The following AEBP2 variants were observed in gnomAD, a reference collection of about 807,000 sequenced individuals.
AEBP2 encodes the protein zinc finger protein AEBP2.
In AEBP2, 10 loss-of-function variants were observed where a neutral mutation model predicts 50.8. The observed-to-expected ratio is 0.20, with a 90% CI of 0.12 to 0.33. The LOEUF is 0.33. Ranked by LOEUF, AEBP2 falls within the 10% of genes least tolerant of loss-of-function variation. The pLI, the probability that AEBP2 is intolerant of heterozygous loss-of-function variation, is 1.00. For missense variants in AEBP2, 570 were observed against 688.0 expected (o/e 0.83, Z 1.92); for synonymous variants, 296 against 261.3 (o/e 1.13, Z -1.28).
intron 1 of AEBP2, among the ~76,000 whole-genome samples, chr12:19,442,866 G>C (rs1008438135): frequency 6.6e-6 from 1 of 152,076 alleles, no homozygotes. Context: ...AATTACTGTA[G>C]ATTACATCAA....
At position 19,439,770 on chromosome 12, in the gene AEBP2, G is replaced by T. The variant is rs1947909891; in HGVS notation, c.71G>T (p.Ser24Ile). Residue 24 changes from serine to isoleucine, a missense_variant, in exon 1 of 8, where the codon AGC becomes ATC. Transcript: ENST00000266508. ...LSRLSPLPPG[S>I]PGSAARGRAE... ...CGCCTGAGCCCTCTGCCCCCCGGCA[G>T]CCCGGGTTCGGCGGCGCGGGGCCGG... is the stretch of plus-strand genomic sequence containing the variant. 5 of 1,516,968 alleles carry T rather than the reference G, an allele frequency of 3.3e-6. No homozygotes were observed. The highest frequency in any genetic ancestry group is 4.4e-6 in the Non-Finnish European group (5 of 1,139,072). 94.0% of individuals were successfully genotyped at this position (1,516,968 alleles called of 1,614,324 possible).
intron 1 of AEBP2, among the ~76,000 whole-genome samples, chr12:19,450,737 G>A (rs1225163785): frequency 1.3e-5 from 2 of 150,978 alleles, no homozygotes; most frequent in South Asian, 2.1e-4. Context: ...AGCTACTCAG[G>A]AGGCTGAGAC....
intron 1 of AEBP2, among the ~76,000 whole-genome samples, chr12:19,429,138 C>G (rs1449309259): frequency 6.6e-6 from 1 of 152,172 alleles, no homozygotes. Flanking sequence ...TCCTCTCACC[C>G]CACAACAGGC....
At chr12:19,453,806 T>G (rs1168533376) in intron 1 of AEBP2, among the ~76,000 whole-genome samples, 2 of 152,056 alleles carry the variant, frequency 1.3e-5, no homozygotes, top group African/African-American at 4.8e-5. Context: ...TCTTTCTTTG[T>G]TTTTTGAGAC....
Position 19,460,477 on chromosome 12 carries a change from C to T in AEBP2, c.672-2033C>T, listed in dbSNP as rs112619114. ...TCAAGCAATTCTCTGTCTCAGCCTCCCGAGTAGCTGGGATTACAGGCGTGT... is the reference window on the plus strand; with the variant it reads ...TCAAGCAATTCTCTGTCTCAGCCTCTCGAGTAGCTGGGATTACAGGCGTGT... On this transcript the variant is annotated intron_variant, in intron 1 of 7. Coordinates refer to ENST00000266508, the MANE Select transcript of AEBP2 (RefSeq NM_153207.5). Among the ~76,000 whole-genome samples the T allele has an allele frequency of 2.9e-3, 436 of 152,184 alleles. 1 individual carries two copies. The highest frequency in any genetic ancestry group is 9.9e-3 in the African/African-American group (412 of 41,534).
chr12:19,452,989 G>A (rs554456409), intron 1 of AEBP2, among the ~76,000 whole-genome samples: 49 of 116,032 alleles, frequency 4.2e-4, no homozygotes, highest in Admixed American at 1.3e-3. Context: ...TTTTTGAGAC[G>A]GAGTCTCGCT....
At chr12:19,493,698 A>G in intron 3 of AEBP2, 102 bp from the exon 4 acceptor site, 2 of 1,101,136 alleles carry the variant, frequency 1.8e-6, no homozygotes, top group Non-Finnish European at 2.6e-6. Flanking sequence ...GTTCTATTGT[A>G]CTACTTATTT....
At chr12:19,491,803 A>G (rs1480059329) in intron 3 of AEBP2, among the ~76,000 whole-genome samples, 1 of 152,214 alleles carries the variant, frequency 6.6e-6, no homozygotes, top group East Asian at 1.9e-4. Context: ...GCTTCTGGGA[A>G]TATAAATATT....
intron 1 of AEBP2, among the ~76,000 whole-genome samples, chr12:19,413,626 C>A (rs2095740625): frequency 6.6e-6 from 1 of 152,146 alleles, no homozygotes; most frequent in African/African-American, 2.4e-5. Flanking sequence ...ATAGACAGAG[C>A]AGCCCAGCGG....
chr12:19,447,982 CGT>C (rs750307236), intron 1 of AEBP2, among the ~76,000 whole-genome samples: 3 of 152,104 alleles, frequency 2.0e-5, no homozygotes, highest in African/African-American at 7.2e-5. Context: ...GGAATATTGC[CGT>C]GTGTGGCTTT....
At chr12:19,463,291 C>T (rs1334520131) in intron 2 of AEBP2, among the ~76,000 whole-genome samples, 1 of 152,186 alleles carries the variant, frequency 6.6e-6, no homozygotes, top group African/African-American at 2.4e-5. Context: ...GTTCATGTAA[C>T]TTCTATTAGG....
chr12:19,444,785 T>C (rs1213123723), intron 1 of AEBP2, among the ~76,000 whole-genome samples: 1 of 152,232 alleles, frequency 6.6e-6, no homozygotes, highest in Non-Finnish European at 1.5e-5. Flanking sequence ...AGGGACATTT[T>C]TGCTTTTTTA....
Position 19,470,838 on chromosome 12 carries a change from C to T in AEBP2, c.880-2410C>T, listed in dbSNP as rs75095570. On this transcript the variant is annotated intron_variant, in intron 2 of 7. Coordinates refer to ENST00000266508, the MANE Select transcript of AEBP2 (RefSeq NM_153207.5). ...GTATTTCAGAGTAGGGCGGGGGGGT[C>T]ACTTAAGAATCCTTTTAACATTAAG... Among the ~76,000 whole-genome samples, 406 of 152,254 alleles carry T rather than the reference C, an allele frequency of 2.7e-3. 2 individuals carry two copies. The highest frequency in any genetic ancestry group is 9.3e-3 in the African/African-American group (385 of 41,548).
intron 3 of AEBP2, among the ~76,000 whole-genome samples, chr12:19,477,275 C>G (rs1298868347): frequency 6.6e-6 from 1 of 152,112 alleles, no homozygotes; most frequent in Non-Finnish European, 1.5e-5. Context: ...TTTCCTCTTA[C>G]CTATTCGGAT....
chr12:19,482,335 G>A (rs1265615870), intron 3 of AEBP2, among the ~76,000 whole-genome samples: 1 of 152,154 alleles, frequency 6.6e-6, no homozygotes, highest in Non-Finnish European at 1.5e-5. Context: ...TGGACTCTTT[G>A]GTGGTGTTCG....
At position 19,440,044 on chromosome 12, in the gene AEBP2, G is replaced by A; in HGVS notation, c.345G>A (p.Gly115=). Residue 115 remains glycine, a synonymous_variant, in exon 1 of 8, where the codon GGG becomes GGA. Coordinates refer to ENST00000266508, the MANE Select transcript of AEBP2 (RefSeq NM_153207.5). ...EEEDESSSSG[G]GEEESSAESL... is the part of the protein sequence containing the mutation. ...AAGATGAGAGCAGCAGCAGCGGCGG[G>A]GGTGAGGAGGAGAGTAGCGCCGAGA... 1 of 1,523,532 alleles carries A rather than the reference G, an allele frequency of 6.6e-7. No homozygotes were observed. The highest frequency in any genetic ancestry group is 1.2e-5 in the South Asian group (1 of 83,356). The allele number at this position is 1,523,532 out of a possible 1,614,324, so 94.4% of individuals were successfully genotyped here.
At chr12:19,454,631 T>G (rs191647518) in intron 1 of AEBP2, among the ~76,000 whole-genome samples, 4 of 152,328 alleles carry the variant, frequency 2.6e-5, no homozygotes, top group Admixed American at 1.3e-4. Flanking sequence ...TTTCAGGTTA[T>G]ATACTCTAAA....
intron 2 of AEBP2, among the ~76,000 whole-genome samples, chr12:19,471,868 C>G (rs12227862): frequency 0.021 from 3,231 of 152,120 alleles, 42 homozygotes; most frequent in East Asian, 0.042. Context: ...TCTGTTCCTA[C>G]ATTTATTTTT....
At chr12:19,506,024 C>G (rs1461719543) in intron 5 of AEBP2, among the ~76,000 whole-genome samples, 1 of 151,982 alleles carries the variant, frequency 6.6e-6, no homozygotes, top group Non-Finnish European at 1.5e-5. Context: ...CTCCTGGGCT[C>G]AAGTGATCCT....
Sources: allele counts gnomAD v4.1 joint callset (sites outside exome capture counted in the v4.1 genomes callset), GRCh38; gene constraint gnomAD v4.1.1; transcripts MANE v1.5; gene names NCBI Gene and HGNC (gene_info 2026-07-23, HGNC 2026-07-21).